Variants in GALNT2 observed in about 807,000 individuals in gnomAD.
GALNT2 encodes the protein polypeptide N-acetylgalactosaminyltransferase 2, also known as UDP-GalNAc:polypeptide N-acetylgalactosaminyltransferase 2.
In GALNT2, 31 loss-of-function variants were observed where a neutral mutation model predicts 81.4. That is an observed-to-expected ratio of 0.38 (90% CI 0.29 to 0.51). The LOEUF is 0.51. GALNT2 is among the 20% of genes least tolerant of loss of function. The pLI is 0.87. For missense variants in GALNT2, 629 were observed against 765.7 expected, an observed-to-expected ratio of 0.82 and a Z score of 2.11; for synonymous variants, 303 against 287.4, an observed-to-expected ratio of 1.05 and a Z score of -0.55.
chr1:230,247,078 T>TAA (rs1311476492), intron 8 of GALNT2, among the ~76,000 whole-genome samples: 3 of 135,864 alleles, frequency 2.2e-5, no homozygotes, highest in East Asian at 2.1e-4. Context: ...TTGTCTCTAT[T>TAA]AAAAAAAAAA....
intron 1 of GALNT2, among the ~76,000 whole-genome samples, chr1:230,165,127 A>G (rs1471533436): frequency 2.0e-5 from 3 of 152,242 alleles, no homozygotes; most frequent in Non-Finnish European, 2.9e-5. Flanking sequence ...AGAACATGTG[A>G]AAGTCTGAGA....
At chr1:230,100,147 G>A (rs1197804827) in intron 1 of GALNT2, among the ~76,000 whole-genome samples, 3 of 152,092 alleles carry the variant, frequency 2.0e-5, no homozygotes, top group Non-Finnish European at 4.4e-5. Context: ...TTAATTTGCT[G>A]TGACTCCAGG....
At chr1:230,236,223 C>G in intron 4 of GALNT2, 111 bp downstream of exon 4, 1 of 1,362,120 alleles carries the variant, frequency 7.3e-7, no homozygotes, top group Non-Finnish European at 1.0e-6. Flanking sequence ...CTCCTGACTG[C>G]TCAGCACAGG....
In GALNT2 at chr1:230,193,568, T is replaced by C. The variant is rs928839650; in HGVS notation, c.221-9569T>C. Among the ~76,000 whole-genome samples, 6 of 150,954 alleles carry C rather than the reference T, an allele frequency of 4.0e-5. No homozygotes were observed. The highest frequency in any genetic ancestry group is 7.4e-5 in the Non-Finnish European group (5 of 67,798). Reference sequence around the variant, plus strand: ...TGATGTTAATTCTTTGAAGGGTCAGTTTTATAGGTTTCTGTCATCTTTTTT... The same window carrying C: ...TGATGTTAATTCTTTGAAGGGTCAGCTTTATAGGTTTCTGTCATCTTTTTT... On this transcript the variant is annotated intron_variant, in intron 2 of 15. Transcript: ENST00000366672. The surrounding 1 kb of genome is among the most constrained non-coding windows in gnomAD (Gnocchi z 4.3).
At chr1:230,215,073 A>G (rs1231759694) in intron 3 of GALNT2, among the ~76,000 whole-genome samples, 1 of 152,210 alleles carries the variant, frequency 6.6e-6, no homozygotes, top group Non-Finnish European at 1.5e-5. Context: ...CAAGTCTGGA[A>G]TTGAGCTGGT....
intron 14 of GALNT2, among the ~76,000 whole-genome samples, chr1:230,270,673 C>T (rs1223586287): frequency 1.3e-5 from 2 of 151,988 alleles, no homozygotes; most frequent in Non-Finnish European, 2.9e-5. Context: ...GGATGAGAAA[C>T]GAGAGGGTAA....
rs779769225 is a variant in GALNT2, at chr1:230,236,699, G to A, written c.581G>A (p.Arg194Gln). The change falls in exon 6 of 16, where the codon CGA (arginine) becomes CAA (glutamine). Residue 194 changes from arginine (R) to glutamine (Q), a missense_variant. By Grantham distance (43) the Arg-to-Gln change is conservative. This residue lies in a region of GALNT2 where 360 missense variants were observed against 492.8 expected (regional missense o/e 0.73). Coordinates refer to ENST00000366672, the MANE Select transcript of GALNT2 (RefSeq NM_004481.5). ...GALLGKIEKV[R>Q]VLRNDRREGL... Reference sequence around the variant, plus strand: ...CTCTTGGGGAAAATTGAGAAAGTGCGAGTTCTTAGAAATGATCGACGAGAA... The same window carrying A: ...CTCTTGGGGAAAATTGAGAAAGTGCAAGTTCTTAGAAATGATCGACGAGAA... 17 of 1,613,668 alleles carry A rather than the reference G, an allele frequency of 1.1e-5. No homozygotes were observed. Among genetic ancestry groups the A allele is most frequent in the Middle Eastern group, 1.7e-4 (1 of 6,054 alleles).
Position 230,250,517 on chromosome 1 carries a change from G to T in GALNT2, c.966G>T (p.Gly322=). The T allele has an allele frequency of 6.2e-7, 1 of 1,613,910 alleles. No homozygotes were observed. The highest frequency in any genetic ancestry group is 8.5e-7 in the Non-Finnish European group (1 of 1,179,942). The change falls in exon 10 of 16, where the codon GGG becomes GGT. Residue 322 remains glycine, a synonymous_variant. Transcript: ENST00000366672. ...VMDKFYFEEL[G]KYDMMMDVWG... is the part of the protein sequence containing the mutation. ...ATAAGTTCTATTTTGAAGAACTGGG[G>T]AAGTACGACATGATGATGGATGTGT...
intron 6 of GALNT2, 104 bp downstream of exon 6, chr1:230,236,829 T>C (rs1033456680): frequency 8.5e-7 from 1 of 1,172,024 alleles, no homozygotes; most frequent in African/African-American, 1.5e-5. Flanking sequence ...TGTCTAGCTT[T>C]TTTCTGTCTC....
Position 230,279,779 on chromosome 1 carries a change from G to A in GALNT2, c.*321G>A. The A allele has an allele frequency of 2.0e-6, 1 of 504,776 alleles. No individual in the cohort carries two copies. The highest frequency in any genetic ancestry group is 1.6e-5 in the South Asian group (1 of 63,134). The allele number at this position is 504,776 out of a possible 1,614,324, so 31.3% of individuals were successfully genotyped here. A position where few individuals can be genotyped will look rare whatever the true frequency, so the allele number is the denominator to read the frequency against. On this transcript the variant is annotated 3_prime_UTR_variant, in exon 16 of 16. Coordinates refer to ENST00000366672, the MANE Select transcript of GALNT2 (RefSeq NM_004481.5). This position sits in a 1 kb window ranked among gnomAD's most constrained non-coding sequence, Gnocchi z 4.6. Reference sequence around the variant, plus strand: ...ACCCAGCGACAACCGACTGGGGAGTGGTAGAAGCAACTGAACGGATGCGTG... The same window carrying A: ...ACCCAGCGACAACCGACTGGGGAGTAGTAGAAGCAACTGAACGGATGCGTG...
intron 1 of GALNT2, among the ~76,000 whole-genome samples, chr1:230,097,433 C>T (rs979960184): frequency 6.6e-6 from 1 of 152,184 alleles, no homozygotes; most frequent in African/African-American, 2.4e-5. Context: ...TGGCAACCAC[C>T]ATTCTACTTT....
chr1:230,112,381 G>T (rs1660727822), intron 1 of GALNT2, among the ~76,000 whole-genome samples: 2 of 145,356 alleles, frequency 1.4e-5, no homozygotes, highest in African/African-American at 5.2e-5. Context: ...AGGCGCCGGG[G>T]GAGGGGGGGG....
At chr1:230,059,540 G>A (rs371932768) in intron 1 of GALNT2, among the ~76,000 whole-genome samples, 9 of 152,326 alleles carry the variant, frequency 5.9e-5, no homozygotes, top group South Asian at 4.2e-4. Flanking sequence ...TATGCCAGCC[G>A]TCTAGGGAAG....
intron 3 of GALNT2, among the ~76,000 whole-genome samples, chr1:230,233,223 T>C (rs1664921446): frequency 6.6e-6 from 1 of 152,238 alleles, no homozygotes; most frequent in African/African-American, 2.4e-5. Context: ...ATTTTTAATC[T>C]ATCTCCTTCG....
intron 13 of GALNT2, chr1:230,264,101 C>T (rs16851273): frequency 0.044 from 6,732 of 152,378 alleles, 194 homozygotes; most frequent in Non-Finnish European, 0.064. Context: ...TGGTCACCAG[C>T]GATGGTCACC....
At chr1:230,250,203 G>C (rs1278806091) in intron 9 of GALNT2, among the ~76,000 whole-genome samples, 2 of 152,236 alleles carry the variant, frequency 1.3e-5, no homozygotes, top group African/African-American at 4.8e-5. Flanking sequence ...CTCCCACATA[G>C]GGGAGGCTCA....
At chr1:230,123,755 G>A (rs1213438099) in intron 1 of GALNT2, among the ~76,000 whole-genome samples, 1 of 152,146 alleles carries the variant, frequency 6.6e-6, no homozygotes, top group East Asian at 1.9e-4. Flanking sequence ...TCTCCTATAT[G>A]ATGGGTAGTG....
chr1:230,114,733 G>C (rs1571978291), intron 1 of GALNT2, among the ~76,000 whole-genome samples: 1 of 152,190 alleles, frequency 6.6e-6, no homozygotes, highest in Non-Finnish European at 1.5e-5. Context: ...CTTGGATCTT[G>C]GTGCTAAATA....
chr1:230,132,088 C>G (rs1661386175), intron 1 of GALNT2, among the ~76,000 whole-genome samples: 1 of 151,492 alleles, frequency 6.6e-6, no homozygotes, highest in South Asian at 2.1e-4. Flanking sequence ...TTCTTCTTCT[C>G]TCTTCTTCCC....
Sources: allele counts gnomAD v4.1 joint callset (sites outside exome capture counted in the v4.1 genomes callset), GRCh38; gene constraint gnomAD v4.1.1; regional missense constraint gnomAD v4.1.1; non-coding constraint Gnocchi (gnomAD v3.1); transcripts MANE v1.5; gene names NCBI Gene and HGNC (gene_info 2026-07-23, HGNC 2026-07-21).